Variants in CDC23 observed in about 807,000 individuals in gnomAD.
CDC23 encodes the protein cell division cycle protein 23 homolog.
A neutral mutation model predicts 81.7 loss-of-function variants in CDC23; 26 were observed. The ratio of observed to expected loss-of-function variants is 0.32; its 90% confidence interval spans 0.23 to 0.44. The LOEUF (loss-of-function observed/expected upper bound fraction) is 0.44. Among genes scored for constraint, CDC23 ranks in the 20% least tolerant of loss-of-function variants. The pLI is 1.00. For missense variants in CDC23, 519 were observed against 728.0 expected (o/e 0.71, Z 3.30); for synonymous variants, 267 against 270.8 (o/e 0.99, Z 0.14).
In CDC23 at chr5:138,213,038, G is replaced by C; in HGVS notation, c.187C>G (p.Pro63Ala). The C allele has an allele frequency of 6.2e-7, 1 of 1,613,860 alleles. No individual in the cohort carries two copies. Among genetic ancestry groups the C allele is most frequent in the South Asian group, 1.1e-5 (1 of 91,070 alleles). The change falls in exon 2 of 16, where the codon CCT becomes GCT. Residue 63 changes from proline (P) to alanine (A), a missense_variant. Physicochemically the swap from Pro to Ala is conservative, Grantham distance 27. This residue lies in a region of CDC23 where 126 missense variants were observed against 116.2 expected (regional missense o/e 1.08). Coordinates refer to ENST00000394886, the MANE Select transcript of CDC23 (RefSeq NM_004661.4). ...TGCAGCTCGGCCAGAGGCAATGCAGGGAGAGAGAAAGCCAACTCCGCCGAC... is the reference window on the plus strand; with the variant it reads ...TGCAGCTCGGCCAGAGGCAATGCAGCGAGAGAGAAAGCCAACTCCGCCGAC... ...KWSAELAFSLPALPLAELQPP... is the reference protein window; with the variant it reads ...KWSAELAFSLAALPLAELQPP...
intron 15 of CDC23, 114 bp from the exon 16 acceptor site, chr5:138,189,262 G>GTT (rs201177815): frequency 8.7e-4 from 643 of 735,194 alleles, no homozygotes; most frequent in Non-Finnish European, 1.0e-3. Context: ...AGGCTTGCTT[G>GTT]TTTTTTTTTT....
chr5:138,196,744 C>A (rs1261069832), intron 9 of CDC23, among the ~76,000 whole-genome samples: 1 of 150,680 alleles, frequency 6.6e-6, no homozygotes, highest in Non-Finnish European at 1.5e-5. Context: ...CCACGCCCAG[C>A]TAATTTTTTG....
intron 6 of CDC23, among the ~76,000 whole-genome samples, chr5:138,199,825 G>A (rs1754965667): frequency 6.6e-6 from 1 of 152,196 alleles, no homozygotes; most frequent in South Asian, 2.1e-4. Flanking sequence ...AAGTCTAGTA[G>A]GCAGTTACAC....
rs1024289237 is a variant in CDC23, at chr5:138,189,741, T to C, written c.1515A>G (p.Glu505=). The C allele has an allele frequency of 2.5e-6, 4 of 1,613,564 alleles. No individual in the cohort carries two copies. In the African/African-American group the frequency reaches 5.3e-5, roughly 22 times the overall value. ...GAAAGGCAGTGCTTTCCTCCAAGTGTTCTACTATTTCCTAGAAAGGGAAAG... is the reference window on the plus strand; with the variant it reads ...GAAAGGCAGTGCTTTCCTCCAAGTGCTCTACTATTTCCTAGAAAGGGAAAG... ...QDIYSCGEIV[E]HLEESTAFRY... Residue 505 remains glutamate (E), a synonymous_variant, in exon 15 of 16, where the codon GAA becomes GAG. Transcript: ENST00000394886.
At position 138,192,280 on chromosome 5, in the gene CDC23, G is replaced by A. The variant is rs987258343; in HGVS notation, c.1275C>T (p.Ala425=). ...GTGACCAGGCTTACCGAAGCTGGTG[G>A]GCCCGTCTATAATAATAAAGGCAGT... ...PFYCLYYYRR[A]HQLRPNDSRM... Residue 425 remains alanine, a synonymous_variant, in exon 11 of 16, where the codon GCC becomes GCT. Coordinates refer to ENST00000394886, the MANE Select transcript of CDC23 (RefSeq NM_004661.4). The A allele has an allele frequency of 1.4e-5, 22 of 1,614,040 alleles. No individual in the cohort carries two copies. Among genetic ancestry groups the A allele is most frequent in the African/African-American group, 2.7e-5 (2 of 74,906 alleles).
At chr5:138,191,391 A>G (rs879072671) in intron 13 of CDC23, 83 bp downstream of exon 13, 6 of 1,111,160 alleles carry the variant, frequency 5.4e-6, no homozygotes, top group Non-Finnish European at 8.3e-6. Flanking sequence ...TGATGGGTGT[A>G]TGGGAGGCTC....
intron 9 of CDC23, 59 bp downstream of exon 9, chr5:138,198,140 C>A: frequency 7.7e-7 from 1 of 1,291,692 alleles, no homozygotes; most frequent in East Asian, 2.5e-5. Flanking sequence ...TGGTTATTTT[C>A]ACATGTGTTA....
rs779449159 is a variant in CDC23, at chr5:138,191,875, A to G, written c.1349T>C (p.Val450Ala). 1.2e-6 allele frequency: 2 copies of G among 1,613,932 alleles called. No individual in the cohort carries two copies. The highest frequency in any genetic ancestry group is 2.2e-5 in the South Asian group (2 of 91,074). Residue 450 changes from valine to alanine, a missense_variant, in exon 12 of 16, where the codon GTG (valine) becomes GCG (alanine). Coordinates refer to ENST00000394886, the MANE Select transcript of CDC23 (RefSeq NM_004661.4). ...AATTTAAGGTACCTTTTTGGCTTCCACTAGTTGATTGAGTTTCTCGTAACA... is the reference window on the plus strand; with the variant it reads ...AATTTAAGGTACCTTTTTGGCTTCCGCTAGTTGATTGAGTTTCTCGTAACA... The part of the protein sequence containing the change: ...GECYEKLNQL[V>A]EAKKCYWRAY...
chr5:138,209,421 CAAAAA>C (rs529747839), intron 2 of CDC23, among the ~76,000 whole-genome samples: 1 of 93,366 alleles, frequency 1.1e-5, no homozygotes, highest in African/African-American at 4.2e-5. Flanking sequence ...GAGTGAGACT[CAAAAA>C]AAAAAAAAGA....
At chr5:138,191,831 C>A in intron 12 of CDC23, 31 bp downstream of exon 12, 1 of 1,564,586 alleles carries the variant, frequency 6.4e-7, no homozygotes, top group South Asian at 1.1e-5. Context: ...CAGATTTCCA[C>A]TCAAATTCTT....
chr5:138,200,122 TTTTGTTTGTTTG>T (rs544095600), intron 6 of CDC23, among the ~76,000 whole-genome samples: 3 of 152,022 alleles, frequency 2.0e-5, no homozygotes, highest in Non-Finnish European at 4.4e-5. Context: ...CTGAACAATT[TTTTGTTTGTTTG>T]TTTGTTTGTT....
rs1225139300 is a variant in CDC23, at chr5:138,188,461, C to T, written c.*517G>A. Reference sequence around the variant, plus strand: ...CTAGAGAGTAAGAACAAATGGATAGCTCTATTCCATTTAAACCTAATCTCT... The same window carrying T: ...CTAGAGAGTAAGAACAAATGGATAGTTCTATTCCATTTAAACCTAATCTCT... On this transcript the variant is annotated 3_prime_UTR_variant, in exon 16 of 16. Transcript: ENST00000394886. 6.6e-6 allele frequency: 1 copy of T among 152,308 alleles called. No homozygotes were observed. The highest frequency in any genetic ancestry group is 1.5e-5 in the Non-Finnish European group (1 of 68,152). 9.4% of individuals were successfully genotyped at this position (152,308 alleles called of 1,614,324 possible).
At chr5:138,192,846 G>A (rs987312017) in intron 9 of CDC23, among the ~76,000 whole-genome samples, 189 bp from the exon 10 acceptor site, 4 of 151,422 alleles carry the variant, frequency 2.6e-5, no homozygotes, top group South Asian at 2.1e-4. Context: ...CACACATTCC[G>A]GTTAAAAAAA....
chr5:138,212,177 C>T (rs1755120679), intron 2 of CDC23, among the ~76,000 whole-genome samples: 1 of 152,146 alleles, frequency 6.6e-6, no homozygotes, highest in Non-Finnish European at 1.5e-5. Flanking sequence ...TTACTATCGT[C>T]ACTGCACAGA....
intron 9 of CDC23, among the ~76,000 whole-genome samples, chr5:138,195,725 T>C (rs868074122): frequency 3.3e-4 from 19 of 57,076 alleles, no homozygotes; most frequent in Admixed American, 1.0e-3. Flanking sequence ...TATATATGTA[T>C]ATATATACAT....
intron 3 of CDC23, among the ~76,000 whole-genome samples, chr5:138,205,039 CAA>C (rs2126588042): frequency 6.6e-6 from 1 of 152,030 alleles, no homozygotes; most frequent in East Asian, 1.9e-4. Context: ...CTCAGCCTCC[CAA>C]GTAGCTGGGG....
chr5:138,213,152 C>A lies in CDC23; in HGVS notation c.161G>T (p.Trp54Leu). 1 of 1,614,180 alleles carries A rather than the reference C, an allele frequency of 6.2e-7. No homozygotes were observed. Reference sequence around the variant, plus strand: ...GTCCCTTCCCACTCCAACATCTCACCATTTGCTACTGTGTAGTAGGCCCCG... The same window carrying A: ...GTCCCTTCCCACTCCAACATCTCACAATTTGCTACTGTGTAGTAGGCCCCG... ...RERGLLHSSK[W>L]SAELAFSLPA... is the part of the protein sequence containing the mutation. The change falls in exon 1 of 16, where the codon TGG becomes TTG. Residue 54 changes from tryptophan (W) to leucine (L), a missense_variant and splice_region_variant. Transcript: ENST00000394886.
intron 9 of CDC23, among the ~76,000 whole-genome samples, chr5:138,197,297 C>CCA (rs1754924528): frequency 9.0e-6 from 1 of 111,314 alleles, no homozygotes; most frequent in Non-Finnish European, 1.8e-5. Context: ...GAGCGAGACT[C>CCA]TGTCACCAAA....
intron 13 of CDC23, among the ~76,000 whole-genome samples, chr5:138,191,233 T>G (rs1754823719): frequency 6.6e-6 from 1 of 152,060 alleles, no homozygotes; most frequent in African/African-American, 2.4e-5. Flanking sequence ...TGACCTCAGG[T>G]CATCCACCTC....
Sources: allele counts gnomAD v4.1 joint callset (sites outside exome capture counted in the v4.1 genomes callset), GRCh38; gene constraint gnomAD v4.1.1; regional missense constraint gnomAD v4.1.1; transcripts MANE v1.5; gene names NCBI Gene and HGNC (gene_info 2026-07-23, HGNC 2026-07-21).